The following IL26 variants were observed in gnomAD, a reference collection of about 807,000 sequenced individuals.
IL26 encodes interleukin 26.
IL26 carries 23 observed loss-of-function variants against 21.7 expected under a neutral mutation model. That is an observed-to-expected ratio of 1.06 (90% confidence interval 0.76 to 1.50). IL26 has a LOEUF of 1.50. IL26 is among the 40% of genes most tolerant of loss of function. The pLI, the probability that IL26 is intolerant of heterozygous loss-of-function variation, is 0.00. For missense variants in IL26, 204 were observed against 196.0 expected (o/e 1.04, Z -0.24); for synonymous variants, 63 against 67.8 (o/e 0.93, Z 0.34).
intron 3 of IL26, among the ~76,000 whole-genome samples, chr12:68,209,711 C>G (rs1868653607): frequency 5.3e-5 from 8 of 152,090 alleles, no homozygotes; most frequent in Non-Finnish European, 1.2e-4. Flanking sequence ...GACATGCAAG[C>G]CCCCGCCTCA....
At chr12:68,216,838 G>A (rs931740607) in intron 3 of IL26, among the ~76,000 whole-genome samples, 1 of 152,076 alleles carries the variant, frequency 6.6e-6, no homozygotes, top group Non-Finnish European at 1.5e-5. Flanking sequence ...TTACTGTTCA[G>A]GCTCTCAAAA....
chr12:68,204,235 C>T (rs1033085117), intron 3 of IL26, among the ~76,000 whole-genome samples: 3 of 151,006 alleles, frequency 2.0e-5, no homozygotes, highest in Admixed American at 6.6e-5. Flanking sequence ...GCTCCACCCC[C>T]GGGGTTCACG....
At chr12:68,210,099 T>A (rs1868665342) in intron 3 of IL26, among the ~76,000 whole-genome samples, 1 of 151,860 alleles carries the variant, frequency 6.6e-6, no homozygotes, top group Non-Finnish European at 1.5e-5. Context: ...GTTTTTCTTC[T>A]CCAAAATACA....
intron 3 of IL26, among the ~76,000 whole-genome samples, chr12:68,212,086 T>G (rs1336115357): frequency 6.6e-6 from 1 of 152,206 alleles, no homozygotes; most frequent in African/African-American, 2.4e-5. Flanking sequence ...AGTTTCATTT[T>G]TCTGCATATG....
chr12:68,208,538 GC>G (rs1410241595), intron 3 of IL26, among the ~76,000 whole-genome samples: 1 of 151,984 alleles, frequency 6.6e-6, no homozygotes, highest in Non-Finnish European at 1.5e-5. Flanking sequence ...CACTCTTGTG[GC>G]CCAGGCTGGA....
In IL26 at chr12:68,209,567, A is replaced by C. The variant is rs1241709604; in HGVS notation, c.364-7484T>G. 3.3e-5 allele frequency among the ~76,000 whole-genome samples: 5 copies of C among 152,288 alleles called. No homozygotes were observed. The East Asian group carries it at 9.6e-4, about 29-fold the overall frequency. ...TGCTATCCTAGCCCCTACGGGTTTT[A>C]TGCCCTAGGCTTAGATTATGGTGCG... is the stretch of plus-strand genomic sequence containing the variant. On this transcript the variant is annotated intron_variant, in intron 3 of 4. Coordinates refer to ENST00000229134, the MANE Select transcript of IL26 (RefSeq NM_018402.2).
At chr12:68,219,018 T>C (rs1448359066) in intron 3 of IL26, among the ~76,000 whole-genome samples, 1 of 151,986 alleles carries the variant, frequency 6.6e-6, no homozygotes, top group Non-Finnish European at 1.5e-5. Context: ...CATAAACATT[T>C]CTGTACCTAA....
chr12:68,208,554 A>G (rs1405294769), intron 3 of IL26, among the ~76,000 whole-genome samples: 1 of 151,948 alleles, frequency 6.6e-6, no homozygotes, highest in Non-Finnish European at 1.5e-5. Flanking sequence ...GCTGGAGTGC[A>G]GTGGCGCGCG....
intron 3 of IL26, among the ~76,000 whole-genome samples, chr12:68,206,410 G>T (rs73332707): frequency 2.0e-5 from 3 of 152,012 alleles, no homozygotes; most frequent in African/African-American, 7.2e-5. Context: ...TTAATTCTTC[G>T]GGTTCTGGGT....
chr12:68,225,298 C>T lies in IL26; in HGVS notation c.229-15G>A, dbSNP rs779451881. ...TGACAGTTTTTCTAAAAATAAGATA[C>T]AAGAAATTGCATATGGTAAATTATG... On this transcript the variant is annotated splice_polypyrimidine_tract_variant and intron_variant, in intron 2 of 4. Coordinates refer to ENST00000229134, the MANE Select transcript of IL26 (RefSeq NM_018402.2). 2 of 1,600,884 alleles carry T rather than the reference C, an allele frequency of 1.2e-6. No individual in the cohort carries two copies. The highest frequency in any genetic ancestry group is 1.7e-6 in the Non-Finnish European group (2 of 1,173,436).
At chr12:68,220,600 TTA>T (rs1426591222) in intron 3 of IL26, among the ~76,000 whole-genome samples, 1 of 152,198 alleles carries the variant, frequency 6.6e-6, no homozygotes, top group East Asian at 1.9e-4. Context: ...GAAAAAACTA[TTA>T]TATTGTACTT....
intron 3 of IL26, among the ~76,000 whole-genome samples, chr12:68,206,414 T>C (rs1868544575): frequency 6.6e-6 from 1 of 152,146 alleles, no homozygotes; most frequent in Admixed American, 6.5e-5. Flanking sequence ...TTCTTCGGGT[T>C]CTGGGTGGCC....
chr12:68,208,324 G>A (rs892102903), intron 3 of IL26, among the ~76,000 whole-genome samples: 3 of 152,148 alleles, frequency 2.0e-5, no homozygotes, highest in African/African-American at 7.2e-5. Context: ...AGAGCGCAGA[G>A]ATAATTTAAA....
intron 3 of IL26, among the ~76,000 whole-genome samples, chr12:68,220,785 C>CAT (rs1869023453): frequency 6.6e-6 from 1 of 152,156 alleles, no homozygotes; most frequent in Admixed American, 6.5e-5. Flanking sequence ...TACAGGCATG[C>CAT]GCCACCGCGC....
chr12:68,216,143 T>C (rs1465007326), intron 3 of IL26, among the ~76,000 whole-genome samples: 1 of 151,690 alleles, frequency 6.6e-6, no homozygotes, highest in Non-Finnish European at 1.5e-5. Context: ...TACAAAAAAT[T>C]AGCCAGGCAT....
chr12:68,207,101 A>T (rs958383836), intron 3 of IL26, among the ~76,000 whole-genome samples: 2 of 152,210 alleles, frequency 1.3e-5, no homozygotes, highest in Non-Finnish European at 2.9e-5. Context: ...GGAGATTTTT[A>T]AAAAGGTGTT....
chr12:68,213,296 T>C (rs1868786871), intron 3 of IL26, among the ~76,000 whole-genome samples: 1 of 152,020 alleles, frequency 6.6e-6, no homozygotes, highest in Admixed American at 6.6e-5. Flanking sequence ...TTTGTGAGGA[T>C]TTTTGTGTTT....
intron 3 of IL26, among the ~76,000 whole-genome samples, chr12:68,209,545 T>C (rs1868644889): frequency 6.6e-6 from 1 of 152,192 alleles, no homozygotes; most frequent in Admixed American, 6.5e-5. Flanking sequence ...CCCTGGATGC[T>C]ATCCTAGCCC....
At chr12:68,225,378 A>G in intron 2 of IL26, 66 bp downstream of exon 2, 1 of 1,519,176 alleles carries the variant, frequency 6.6e-7, no homozygotes, top group Non-Finnish European at 9.0e-7. Context: ...AAAAAAATTT[A>G]AATGCAGGGG....
Sources: gnomAD v4.1 joint callset for allele counts (sites outside exome capture counted in the v4.1 genomes callset) on GRCh38, gnomAD v4.1.1 for gene constraint, MANE v1.5 for transcripts, NCBI Gene and HGNC (gene_info 2026-07-23, HGNC 2026-07-21) for gene names.